Variants in CALD1 observed in about 807,000 individuals in gnomAD.
The protein encoded by CALD1 is caldesmon 1, also known as caldesmon.
In CALD1, 33 loss-of-function variants were observed where a neutral mutation model predicts 99.9. The ratio of observed to expected loss-of-function variants is 0.33; its 90% CI spans 0.25 to 0.44. The LOEUF (loss-of-function observed/expected upper bound fraction) is 0.44, where lower values mean the gene tolerates loss of function less well. Ranked by LOEUF, CALD1 falls within the 20% of genes least tolerant of loss-of-function variation. The pLI, the probability that CALD1 is intolerant of heterozygous loss-of-function variation, is 1.00. For synonymous variants in CALD1, 310 were observed against 325.0 expected (o/e 0.95, Z 0.50); for missense variants, 861 against 962.1 (o/e 0.89, Z 1.39).
chr7:134,959,174 TTTTTTATTTTTA>T (rs538371373), intron 11 of CALD1, among the ~76,000 whole-genome samples: 3 of 151,866 alleles, frequency 2.0e-5, no homozygotes, highest in Non-Finnish European at 4.4e-5. Context: ...TGTTTTTTTG[TTTTTTATTTTTA>T]TTTTTATTTT....
chr7:134,935,887 C>A, intron 6 of CALD1, 122 bp downstream of exon 6: 1 of 907,300 alleles, frequency 1.1e-6, no homozygotes, highest in Non-Finnish European at 1.6e-6. Context: ...CAAGCCATGA[C>A]TCACAGTCCA....
chr7:134,917,578 G>A (rs1586299641), intron 3 of CALD1, among the ~76,000 whole-genome samples: 1 of 152,162 alleles, frequency 6.6e-6, no homozygotes, highest in Non-Finnish European at 1.5e-5. Context: ...TCGAACTCCT[G>A]ACCTCAGATG....
At chr7:134,941,262 G>A (rs182099830) in intron 7 of CALD1, 25 bp downstream of exon 7, 2 of 1,531,002 alleles carry the variant, frequency 1.3e-6, no homozygotes, top group Admixed American at 2.1e-5. Flanking sequence ...CTAGTTAATA[G>A]AAACTGTGTT....
rs768724883 is a variant in CALD1, at chr7:134,933,191, C to T, written c.422C>T (p.Thr141Ile). 6.2e-7 allele frequency: 1 copy of T among 1,612,034 alleles called. No homozygotes were observed. Among genetic ancestry groups the T allele is most frequent in the Admixed American group, 1.7e-5 (1 of 59,672 alleles). ...SLPSRRMQND[T>I]AENETTEKEE... ...CCAAGCAGAAGAATGCAAAATGACACAGCAGAAAATGAAACTACCGAGAAG... is the reference window on the plus strand; with the variant it reads ...CCAAGCAGAAGAATGCAAAATGACATAGCAGAAAATGAAACTACCGAGAAG... The change falls in exon 5 of 15, where the codon ACA (threonine) becomes ATA (isoleucine). Residue 141 changes from threonine (T) to isoleucine (I), a missense_variant. This residue lies in a region of CALD1 where 234 missense variants were observed against 233.1 expected (regional missense o/e 1.00). Coordinates refer to ENST00000361675, the MANE Select transcript of CALD1 (RefSeq NM_033138.4).
the CALD1 span, among the ~76,000 whole-genome samples, chr7:134,735,892 A>T: frequency 6.6e-6 from 1 of 152,122 alleles, no homozygotes; most frequent in South Asian, 2.1e-4. Context: ...ATGCAGAAAT[A>T]CCTTGGGGAC....
intron 4 of CALD1, among the ~76,000 whole-genome samples, chr7:134,930,845 C>T (rs1251714057): frequency 6.6e-6 from 1 of 152,152 alleles, no homozygotes; most frequent in Non-Finnish European, 1.5e-5. Flanking sequence ...ATTCTTAACA[C>T]GGGAGGGCAA....
chr7:134,913,770 T>G (rs1441543618), intron 3 of CALD1, among the ~76,000 whole-genome samples: 1 of 152,230 alleles, frequency 6.6e-6, no homozygotes, highest in African/African-American at 2.4e-5. Flanking sequence ...GGCACTGAAG[T>G]GCAAAACAGC....
At chr7:134,835,678 T>G (rs558980458) in intron 1 of CALD1, among the ~76,000 whole-genome samples, 1 of 152,218 alleles carries the variant, frequency 6.6e-6, no homozygotes, top group South Asian at 2.1e-4. Context: ...AACTAGAATT[T>G]ATTGACTTGA....
chr7:134,810,157 A>T (rs1798300971), intron 1 of CALD1, among the ~76,000 whole-genome samples: 1 of 152,194 alleles, frequency 6.6e-6, no homozygotes, highest in Non-Finnish European at 1.5e-5. Flanking sequence ...ACATATTGGG[A>T]CTAGTTGCCA....
chr7:134,740,434 G>T (rs1796583117), upstream of CALD1, among the ~76,000 whole-genome samples: 2 of 152,132 alleles, frequency 1.3e-5, no homozygotes, highest in African/African-American at 4.8e-5. Context: ...GTCCAAAAAA[G>T]AATTATAGGG....
the CALD1 span, among the ~76,000 whole-genome samples, chr7:134,737,333 T>G: frequency 6.6e-6 from 1 of 152,078 alleles, no homozygotes; most frequent in Non-Finnish European, 1.5e-5. Flanking sequence ...TTTGCCAACT[T>G]TCCCAGGCTG....
intron 1 of CALD1, among the ~76,000 whole-genome samples, chr7:134,781,168 C>T (rs1383847453): frequency 6.6e-6 from 1 of 152,156 alleles, no homozygotes; most frequent in Non-Finnish European, 1.5e-5. Context: ...AATTACTGTC[C>T]TTCCCTCGAA....
chr7:134,761,493 T>G (rs1322674127), intron 1 of CALD1, among the ~76,000 whole-genome samples: 1 of 152,208 alleles, frequency 6.6e-6, no homozygotes, highest in East Asian at 1.9e-4. Flanking sequence ...TTGAGTTTTA[T>G]CTCAGTTTTG....
At chr7:134,770,181 G>A (rs762903897) in intron 1 of CALD1, among the ~76,000 whole-genome samples, 24 of 152,186 alleles carry the variant, frequency 1.6e-4, no homozygotes, top group Non-Finnish European at 2.4e-4. Context: ...TCTTGCTCCC[G>A]TCACATGAGG....
chr7:134,756,290 A>G (rs1283058320), intron 1 of CALD1, among the ~76,000 whole-genome samples: 1 of 121,992 alleles, frequency 8.2e-6, no homozygotes, highest in Non-Finnish European at 1.7e-5. Flanking sequence ...AAAAAAAAAA[A>G]ACTAAAAATT....
intron 2 of CALD1, among the ~76,000 whole-genome samples, chr7:134,860,398 T>C (rs1258558408): frequency 6.6e-6 from 1 of 152,232 alleles, no homozygotes; most frequent in African/African-American, 2.4e-5. Context: ...AGATTTACTG[T>C]GTAACTACTG....
chr7:134,716,481 A>T, the CALD1 span, among the ~76,000 whole-genome samples: 3 of 152,222 alleles, frequency 2.0e-5, no homozygotes, highest in African/African-American at 7.2e-5. Context: ...AAGATTTATT[A>T]TTTTCTAAAC....
At position 134,969,494 on chromosome 7, in the gene CALD1, TC is replaced by T; in HGVS notation, c.*1151del. 6.6e-6 allele frequency: 1 copy of T among 152,280 alleles called. No individual in the cohort carries two copies. Among genetic ancestry groups the T allele is most frequent in the Middle Eastern group, 3.4e-3 (1 of 294 alleles). 9.4% of individuals were successfully genotyped at this position (152,280 alleles called of 1,614,324 possible). A position where few individuals can be genotyped will look rare whatever the true frequency, so the allele number is the denominator to read the frequency against. ...GTGCCAATATTGTACAGACAGAAAT[TC>T]CATGTATGAGTCTCAACAAAGACTA... is the stretch of plus-strand genomic sequence containing the variant. On this transcript the variant is annotated 3_prime_UTR_variant, in exon 15 of 15. Transcript: ENST00000361675.
intron 3 of CALD1, among the ~76,000 whole-genome samples, chr7:134,871,567 G>A (rs7781307): frequency 0.23 from 34,848 of 152,076 alleles, 4,463 homozygotes; most frequent in African/African-American, 0.33. Context: ...TTATACTTTT[G>A]TATCCTCAAA....
Sources: gnomAD v4.1 joint callset for allele counts (sites outside exome capture counted in the v4.1 genomes callset) on GRCh38, gnomAD v4.1.1 for gene constraint, gnomAD v4.1.1 regional missense constraint, MANE v1.5 for transcripts, NCBI Gene and HGNC (gene_info 2026-07-23, HGNC 2026-07-21) for gene names.